The following ANKRD30BL variants were observed in gnomAD, a reference collection of about 807,000 sequenced individuals.
The protein encoded by ANKRD30BL is putative ankyrin repeat domain-containing protein 30B-like.
A neutral mutation model predicts 18.4 loss-of-function variants in ANKRD30BL; 20 were observed. The ratio of observed to expected loss-of-function variants is 1.09; its 90% confidence interval spans 0.77 to 1.58. The LOEUF is 1.58. Ranked by LOEUF, ANKRD30BL falls within the 40% of genes most tolerant of loss-of-function variation. ANKRD30BL has a pLI of 0.00. For synonymous variants in ANKRD30BL, 72 were observed against 100.9 expected, an observed-to-expected ratio of 0.71 and a Z score of 1.72; for missense variants, 224 against 268.6, an observed-to-expected ratio of 0.83 and a Z score of 1.16.
rs201126102 is a variant in ANKRD30BL, at chr2:132,220,014, C to G, written n.441+37515G>C. On this transcript the variant is annotated intron_variant and non_coding_transcript_variant, in intron 1 of 4. Transcript: ENST00000470729. ...GAAACATCTTCAGATAAAAACTAGA[C>G]AGAAGCATTCTCAGAAACTTCTTTG... Among the ~76,000 whole-genome samples, 1,239 of 152,212 alleles carry G rather than the reference C, an allele frequency of 8.1e-3. 37 individuals are homozygous for G. The highest frequency in any genetic ancestry group is 0.052 in the Admixed American group (789 of 15,232).
intron 1 of ANKRD30BL, among the ~76,000 whole-genome samples, chr2:132,198,280 C>CT (rs1408367085): frequency 1.2e-4 from 1 of 8,208 alleles, no homozygotes; most frequent in South Asian, 4.1e-3. Context: ...TTCTTTCTTT[C>CT]TTTCTTTCTT....
chr2:132,155,491 G>C (rs1229639628), intron 3 of ANKRD30BL: 1 of 152,182 alleles, frequency 6.6e-6, no homozygotes, highest in Non-Finnish European at 1.5e-5. Flanking sequence ...CACTAAGGAA[G>C]TGGCTCTAAA....
chr2:132,210,382 C>T (rs866453950), intron 1 of ANKRD30BL, among the ~76,000 whole-genome samples: 2 of 151,682 alleles, frequency 1.3e-5, no homozygotes, highest in Middle Eastern at 3.4e-3. Flanking sequence ...CACATAAAAA[C>T]TGGATGGAAG....
At chr2:132,167,833 G>T (rs1688215573) in intron 1 of ANKRD30BL, among the ~76,000 whole-genome samples, 1 of 152,168 alleles carries the variant, frequency 6.6e-6, no homozygotes, top group Non-Finnish European at 1.5e-5. Flanking sequence ...TTCACACGTA[G>T]TGTAGGTATC....
At chr2:132,172,437 T>G (rs187498694) in intron 1 of ANKRD30BL, among the ~76,000 whole-genome samples, 160 of 152,330 alleles carry the variant, frequency 1.1e-3, no homozygotes, top group African/African-American at 3.5e-3. Flanking sequence ...TGAAATGATA[T>G]CTCATCATTA....
chr2:132,229,132 A>C (rs1316682589), intron 1 of ANKRD30BL, among the ~76,000 whole-genome samples: 6 of 152,164 alleles, frequency 3.9e-5, no homozygotes, highest in Admixed American at 3.3e-4. Context: ...AGTACATAGA[A>C]GAATTCTGAG....
At chr2:132,255,917 G>C (rs528036668) in intron 1 of ANKRD30BL, among the ~76,000 whole-genome samples, 5 of 152,096 alleles carry the variant, frequency 3.3e-5, no homozygotes, top group Non-Finnish European at 5.9e-5. Context: ...CAAAGCTGGC[G>C]GCACCCGACC....
chr2:132,177,567 C>A (rs1165489457), intron 1 of ANKRD30BL, among the ~76,000 whole-genome samples: 3 of 152,156 alleles, frequency 2.0e-5, no homozygotes, highest in African/African-American at 7.2e-5. Context: ...AAGCTTTGAT[C>A]TTATCAATGT....
intron 1 of ANKRD30BL, among the ~76,000 whole-genome samples, chr2:132,174,063 A>C (rs1318289510): frequency 6.6e-6 from 1 of 152,232 alleles, no homozygotes; most frequent in African/African-American, 2.4e-5. Context: ...GAACATAACT[A>C]GGCCTATTTT....
chr2:132,223,237 A>T (rs1679744686), intron 1 of ANKRD30BL, among the ~76,000 whole-genome samples: 1 of 152,092 alleles, frequency 6.6e-6, no homozygotes, highest in Non-Finnish European at 1.5e-5. Context: ...TTTCAAGTGG[A>T]TATTTTTACT....
chr2:132,149,258 A>G (rs4479473), intron 5 of ANKRD30BL, among the ~76,000 whole-genome samples: 43,053 of 151,938 alleles, frequency 0.28, 9,490 homozygotes, highest in African/African-American at 0.59. Context: ...CCTAGAGTTG[A>G]GCTAGTTTTA....
chr2:132,222,016 G>A (rs1342720521), intron 1 of ANKRD30BL, among the ~76,000 whole-genome samples: 4 of 139,518 alleles, frequency 2.9e-5, no homozygotes, highest in Admixed American at 1.4e-4. Flanking sequence ...CCCTCTGCCC[G>A]GCCAGCCACC....
At chr2:132,223,598 G>A (rs1190212749) in intron 1 of ANKRD30BL, among the ~76,000 whole-genome samples, 1 of 151,978 alleles carries the variant, frequency 6.6e-6, no homozygotes, top group African/African-American at 2.4e-5. Context: ...GAGCTTTGAG[G>A]CCTTCGTTGG....
chr2:132,216,709 C>G (rs984889131), intron 1 of ANKRD30BL, among the ~76,000 whole-genome samples: 2 of 151,308 alleles, frequency 1.3e-5, no homozygotes, highest in Non-Finnish European at 3.0e-5. Flanking sequence ...CACATAAAAC[C>G]TATACAGAAG....
At chr2:132,157,940 T>C (rs1296019850) in intron 1 of ANKRD30BL, among the ~76,000 whole-genome samples, 1 of 152,188 alleles carries the variant, frequency 6.6e-6, no homozygotes, top group Non-Finnish European at 1.5e-5. Context: ...AGGTTAGAGA[T>C]AAAGCTATTT....
At chr2:132,233,838 A>C (rs1426745020) in intron 1 of ANKRD30BL, among the ~76,000 whole-genome samples, 1 of 151,602 alleles carries the variant, frequency 6.6e-6, no homozygotes, top group Admixed American at 6.6e-5. Flanking sequence ...AAGTGGACCT[A>C]ATAGACATCT....
intron 1 of ANKRD30BL, among the ~76,000 whole-genome samples, chr2:132,221,557 C>A (rs1227975002): frequency 1.5e-5 from 2 of 134,974 alleles, no homozygotes; most frequent in East Asian, 2.3e-4. Context: ...GGGGGTCAGC[C>A]CCCCGCCCGG....
At chr2:132,200,379 G>T (rs1242217526) in intron 1 of ANKRD30BL, among the ~76,000 whole-genome samples, 1 of 152,130 alleles carries the variant, frequency 6.6e-6, no homozygotes, top group Non-Finnish European at 1.5e-5. Context: ...TGACATGATT[G>T]TATGTCTAGA....
rs539043309 is a variant in ANKRD30BL at position 132,220,414 on chromosome 2, G to T, written n.441+37115C>A. ...TTCCACGGTCTCCCTCTGATGCCGA[G>T]CCAAAGCTGGACTGTACTGCTGCGA... On this transcript the variant is annotated intron_variant and non_coding_transcript_variant, in intron 1 of 4. Transcript: ENST00000470729. Among the ~76,000 whole-genome samples the T allele has an allele frequency of 1.1e-4, 17 of 150,128 alleles. No homozygotes were observed. In the East Asian group the frequency reaches 3.4e-3, roughly 30 times the overall value.
Sources: gnomAD v4.1 joint callset for allele counts (sites outside exome capture counted in the v4.1 genomes callset) on GRCh38, gnomAD v4.1.1 for gene constraint, MANE v1.5 for transcripts, NCBI Gene and HGNC (gene_info 2026-07-23, HGNC 2026-07-21) for gene names.